The following NALCN variants were observed in gnomAD, a reference collection of about 807,000 sequenced individuals.
NALCN encodes sodium leak channel, non-selective, also known as sodium leak channel NALCN.
Under a neutral mutation model 225.3 loss-of-function variants are expected in NALCN, and 111 were observed. The ratio of observed to expected loss-of-function variants is 0.49; its 90% confidence interval spans 0.42 to 0.58. The LOEUF is 0.58. Among genes scored for constraint, NALCN ranks in the 20% least tolerant of loss-of-function variants. The pLI is 0.00. For missense variants in NALCN, 1,378 were observed against 2,202.4 expected, an observed-to-expected ratio of 0.63 and a Z score of 7.49; for synonymous variants, 764 against 769.0, an observed-to-expected ratio of 0.99 and a Z score of 0.11.
rs1434331026 is a variant in NALCN, at chr13:101,104,100, T to A, written c.2889+195A>T. On this transcript the variant is annotated intron_variant, in intron 25 of 43. Transcript: ENST00000251127. The surrounding 1 kb of genome is among the most constrained non-coding windows in gnomAD (Gnocchi z 4.2). ...TGAACAATATAACTATCCATAGATA[T>A]TTATGATGCTCTTAATTTAGATTTT... 6.6e-6 allele frequency among the ~76,000 whole-genome samples: 1 copy of A among 152,198 alleles called. No homozygotes were observed. The highest frequency in any genetic ancestry group is 2.4e-5 in the African/African-American group (1 of 41,452).
chr13:101,101,281 C>CTTTTTTTTTTTT (rs60948311), intron 26 of NALCN, among the ~76,000 whole-genome samples: 29 of 112,370 alleles, frequency 2.6e-4, no homozygotes, highest in African/African-American at 3.5e-4. Context: ...ATTTTTTTTT[C>CTTTTTTTTTTTT]TTTTTTTTTT....
At chr13:101,286,195 A>G (rs1196059564) in intron 9 of NALCN, among the ~76,000 whole-genome samples, 4 of 152,026 alleles carry the variant, frequency 2.6e-5, no homozygotes, top group African/African-American at 7.3e-5. Context: ...ATCCTCAGAG[A>G]CTCAAATCCT....
At chr13:101,262,529 T>C (rs1011437884) in intron 10 of NALCN, among the ~76,000 whole-genome samples, 3 of 152,190 alleles carry the variant, frequency 2.0e-5, no homozygotes, top group African/African-American at 7.2e-5. Context: ...TTTCTGAGGT[T>C]TCATTTCTTC....
chr13:101,129,715 ATTT>A (rs34648262), intron 17 of NALCN, among the ~76,000 whole-genome samples: 16,953 of 137,524 alleles, frequency 0.12, 1,726 homozygotes, highest in African/African-American at 0.29. Flanking sequence ...ATGACCCAGG[ATTT>A]TTTTTTTTTT....
At chr13:101,227,775 T>C (rs971120266) in intron 13 of NALCN, among the ~76,000 whole-genome samples, 1 of 152,160 alleles carries the variant, frequency 6.6e-6, no homozygotes, top group African/African-American at 2.4e-5. Flanking sequence ...ACAGATACGA[T>C]CACACTTTCA....
chr13:101,348,575 T>C (rs556329763), intron 6 of NALCN, among the ~76,000 whole-genome samples: 1 of 152,154 alleles, frequency 6.6e-6, no homozygotes, highest in Non-Finnish European at 1.5e-5. Context: ...CAAAAATAAG[T>C]TAATCACTCA....
At chr13:101,263,034 C>T (rs1329660173) in intron 10 of NALCN, among the ~76,000 whole-genome samples, 1 of 151,990 alleles carries the variant, frequency 6.6e-6, no homozygotes, top group Non-Finnish European at 1.5e-5. Context: ...ATTAATTACC[C>T]GAGGTTGAAG....
intron 15 of NALCN, among the ~76,000 whole-genome samples, chr13:101,153,063 T>C (rs1360201579): frequency 6.6e-6 from 1 of 152,160 alleles, no homozygotes; most frequent in African/African-American, 2.4e-5. Context: ...TTCTCTTTTT[T>C]TTAATTTATA....
At chr13:101,262,619 T>C (rs1016428187) in intron 10 of NALCN, among the ~76,000 whole-genome samples, 1 of 152,232 alleles carries the variant, frequency 6.6e-6, no homozygotes. Context: ...AGAGCTATTT[T>C]CCTTAGCTGT....
At chr13:101,356,291 C>T (rs1003815054) in intron 6 of NALCN, among the ~76,000 whole-genome samples, 2 of 151,998 alleles carry the variant, frequency 1.3e-5, no homozygotes, top group East Asian at 1.9e-4. Flanking sequence ...AATAGATAGA[C>T]AGACTGCTAG....
At chr13:101,170,611 T>C (rs1246662884) in intron 15 of NALCN, among the ~76,000 whole-genome samples, 2 of 152,164 alleles carry the variant, frequency 1.3e-5, no homozygotes, top group Admixed American at 1.3e-4. Context: ...TATAAGATAT[T>C]TATGGTTTTT....
At chr13:101,112,485 G>A (rs189683640) in intron 18 of NALCN, among the ~76,000 whole-genome samples, 101 of 152,316 alleles carry the variant, frequency 6.6e-4, no homozygotes, top group Admixed American at 6.1e-3. Context: ...TGAGATAGTT[G>A]ATAAGTGGCA....
chr13:101,352,245 T>C lies in NALCN; in HGVS notation c.645-6825A>G, dbSNP rs1398035271. Among the ~76,000 whole-genome samples the C allele has an allele frequency of 2.0e-5, 3 of 152,210 alleles. 1 individual carries two copies. The highest frequency in any genetic ancestry group is 4.4e-5 in the Non-Finnish European group (3 of 68,040). Reference sequence around the variant, plus strand: ...ATGAATGCTTTAAGAGCTATCTATATGCTCCTGATGTTAACTGAAGTTCAA... The same window carrying C: ...ATGAATGCTTTAAGAGCTATCTATACGCTCCTGATGTTAACTGAAGTTCAA... On this transcript the variant is annotated intron_variant, in intron 6 of 43. Transcript: ENST00000251127.
chr13:101,186,535 C>T (rs919692054), intron 14 of NALCN, among the ~76,000 whole-genome samples: 3 of 152,112 alleles, frequency 2.0e-5, no homozygotes, highest in Non-Finnish European at 2.9e-5. Context: ...TTTTTGTGAA[C>T]TGGGGAAGTG....
At chr13:101,067,343 G>A (rs1222012344) in intron 39 of NALCN, among the ~76,000 whole-genome samples, 3 of 122,454 alleles carry the variant, frequency 2.4e-5, no homozygotes, top group East Asian at 3.0e-4. Context: ...AAGAAGAGGG[G>A]GTAGAGGAGG....
chr13:101,350,171 A>T (rs2045867896), intron 6 of NALCN, among the ~76,000 whole-genome samples: 1 of 151,980 alleles, frequency 6.6e-6, no homozygotes, highest in African/African-American at 2.4e-5. Context: ...CTTCATAATC[A>T]CTGTCCTACC....
At chr13:101,295,072 C>A (rs989944897) in intron 7 of NALCN, among the ~76,000 whole-genome samples, 1 of 152,096 alleles carries the variant, frequency 6.6e-6, no homozygotes, top group South Asian at 2.1e-4. Flanking sequence ...GAACAGGCGC[C>A]CCCTCATGCA....
chr13:101,373,453 C>T (rs751706804), intron 6 of NALCN, among the ~76,000 whole-genome samples: 5 of 152,068 alleles, frequency 3.3e-5, no homozygotes, highest in Non-Finnish European at 5.9e-5. Flanking sequence ...AAGAGGAATA[C>T]AATATGACCA....
chr13:101,154,027 A>G (rs1432352190), intron 15 of NALCN, among the ~76,000 whole-genome samples: 1 of 152,200 alleles, frequency 6.6e-6, no homozygotes, highest in African/African-American at 2.4e-5. Context: ...AAATCCTTCC[A>G]AAACCATCTT....
Sources: allele counts gnomAD v4.1 joint callset (sites outside exome capture counted in the v4.1 genomes callset), GRCh38; gene constraint gnomAD v4.1.1; non-coding constraint Gnocchi (gnomAD v3.1); transcripts MANE v1.5; gene names NCBI Gene and HGNC (gene_info 2026-07-23, HGNC 2026-07-21).